The following DTD1 variants were observed in gnomAD, a reference collection of about 807,000 sequenced individuals.
DTD1 encodes D-aminoacyl-tRNA deacylase 1, also known as D-tyrosyl-tRNA deacylase 1 homolog.
DTD1 carries 13 observed loss-of-function variants against 25.6 expected under a neutral mutation model. The ratio of observed to expected loss-of-function variants is 0.51; its 90% CI spans 0.33 to 0.81. The LOEUF is 0.81. DTD1 is among the 30% of genes least tolerant of loss of function. DTD1 has a pLI of 0.02. For missense variants in DTD1, 193 were observed against 266.4 expected (o/e 0.72, Z 1.92); for synonymous variants, 110 against 103.6 (o/e 1.06, Z -0.37).
rs117215840 is a variant in DTD1, at chr20:18,676,965, T to C, written c.477+48732T>C. Among the ~76,000 whole-genome samples the C allele has an allele frequency of 8.4e-3, 1,284 of 152,322 alleles. 7 individuals are homozygous for C. The highest frequency in any genetic ancestry group is 0.024 in the South Asian group (116 of 4,826). On this transcript the variant is annotated intron_variant, in intron 4 of 5. Transcript: ENST00000377452. The stretch of plus-strand genomic sequence containing the variant: ...TCCTAGCTCCTACTTGCCGTGCGTT[T>C]CTCTTGTTTTTATTCTTACTGCCTC...
chr20:18,655,030 G>A (rs1440926939), intron 4 of DTD1, among the ~76,000 whole-genome samples: 1 of 152,150 alleles, frequency 6.6e-6, no homozygotes, highest in Non-Finnish European at 1.5e-5. Flanking sequence ...TTAATCTGTA[G>A]TTTGGAATAA....
At chr20:18,737,797 C>T (rs1020670804) in intron 4 of DTD1, among the ~76,000 whole-genome samples, 10 of 152,218 alleles carry the variant, frequency 6.6e-5, no homozygotes, top group Non-Finnish European at 5.9e-5. Flanking sequence ...AAAGGATGGA[C>T]GAATTGAGTC....
chr20:18,645,167 G>A (rs549120012), intron 4 of DTD1, among the ~76,000 whole-genome samples: 12 of 152,178 alleles, frequency 7.9e-5, no homozygotes, highest in South Asian at 4.1e-4. Context: ...ACCGATCAAT[G>A]AATCAATCAA....
intron 4 of DTD1, among the ~76,000 whole-genome samples, chr20:18,728,209 G>A (rs2061229097): frequency 6.6e-6 from 1 of 152,202 alleles, no homozygotes; most frequent in Admixed American, 6.5e-5. Context: ...AGAGGGCCCT[G>A]CCTGGGCAAT....
chr20:18,694,973 C>T lies in DTD1; in HGVS notation c.478-49127C>T, dbSNP rs115142570. 3.6e-3 allele frequency among the ~76,000 whole-genome samples: 545 copies of T among 152,242 alleles called. 2 individuals are homozygous for T. Among genetic ancestry groups the T allele is most frequent in the African/African-American group, 0.011 (447 of 41,534 alleles). On this transcript the variant is annotated intron_variant, in intron 4 of 5. Transcript: ENST00000377452. ...AGAGCCACCATGATCAAGTTAAAAA[C>T]GCCCGACGTATAGTATATGTGCCAA...
chr20:18,755,275 TA>T (rs1265748415), intron 5 of DTD1, among the ~76,000 whole-genome samples: 3 of 152,154 alleles, frequency 2.0e-5, no homozygotes, highest in East Asian at 1.9e-4. Context: ...TGATTATTAT[TA>T]TTTTTTTATT....
intron 3 of DTD1, among the ~76,000 whole-genome samples, chr20:18,608,880 C>T (rs1221049068): frequency 6.6e-6 from 1 of 152,120 alleles, no homozygotes; most frequent in Non-Finnish European, 1.5e-5. Context: ...GGGCGTCATT[C>T]ATTTCTAGTT....
At chr20:18,619,949 A>C (rs1199728299) in intron 3 of DTD1, 2 of 151,846 alleles carry the variant, frequency 1.3e-5, no homozygotes, top group Admixed American at 6.6e-5. Flanking sequence ...TGAACTTTTA[A>C]ATTTTATTTA....
At chr20:18,671,402 A>G (rs751382072) in intron 4 of DTD1, among the ~76,000 whole-genome samples, 20 of 152,138 alleles carry the variant, frequency 1.3e-4, no homozygotes, top group Non-Finnish European at 2.6e-4. Context: ...TTATTTCTCA[A>G]GGCCTTTATC....
intron 1 of DTD1, chr20:18,588,923 C>G (rs181467590): frequency 1.1e-6 from 1 of 947,646 alleles, no homozygotes. Context: ...AAATGACAAG[C>G]TTTATATTGT....
chr20:18,758,748 T>C (rs2061349132), intron 5 of DTD1, among the ~76,000 whole-genome samples: 1 of 152,220 alleles, frequency 6.6e-6, no homozygotes, highest in African/African-American at 2.4e-5. Context: ...TATATCCTGT[T>C]GATTTGGGGT....
intron 4 of DTD1, among the ~76,000 whole-genome samples, chr20:18,670,586 G>T (rs910151267): frequency 6.6e-6 from 1 of 152,242 alleles, no homozygotes; most frequent in Non-Finnish European, 1.5e-5. Flanking sequence ...TCCCATTGCA[G>T]TGCACAGAGT....
rs1308842093 is a variant in DTD1, at chr20:18,758,731, A to C, written c.*20-4629A>C. On this transcript the variant is annotated intron_variant, in intron 5 of 5. Transcript: ENST00000377452. ...GGAATAGGTGTGGTGTGGTGCTGAA[A>C]AGAACGTATATCCTGTTGATTTGGG... Among the ~76,000 whole-genome samples, 3 of 152,204 alleles carry C rather than the reference A, an allele frequency of 2.0e-5. No homozygotes were observed. In the East Asian group the frequency reaches 5.8e-4, roughly 29 times the overall value.
At chr20:18,703,797 G>A (rs1600380287) in intron 4 of DTD1, among the ~76,000 whole-genome samples, 1 of 151,590 alleles carries the variant, frequency 6.6e-6, no homozygotes, top group South Asian at 2.1e-4. Context: ...GTTCTCTGAA[G>A]ATACATACTA....
At chr20:18,717,515 C>T (rs2061185901) in intron 4 of DTD1, among the ~76,000 whole-genome samples, 1 of 152,130 alleles carries the variant, frequency 6.6e-6, no homozygotes, top group African/African-American at 2.4e-5. Flanking sequence ...ATAGTAAATT[C>T]GTGACATACC....
intron 4 of DTD1, among the ~76,000 whole-genome samples, chr20:18,640,782 C>T (rs1294768741): frequency 6.6e-6 from 1 of 152,046 alleles, no homozygotes; most frequent in East Asian, 1.9e-4. Flanking sequence ...AGGCATGCGT[C>T]ACCGTGCCTG....
Position 18,624,076 on chromosome 20 carries a change from C to G in DTD1, c.371-4051C>G, listed in dbSNP as rs150943716. ...GCCTCACCAACTCAGACCAGTCTAC[C>G]TTGGAGCCTATGTTAGGCTGCTCCT... On this transcript the variant is annotated intron_variant, in intron 3 of 5. Transcript: ENST00000377452. Among the ~76,000 whole-genome samples, 368 of 152,226 alleles carry G rather than the reference C, an allele frequency of 2.4e-3. 6 individuals carry two copies. The highest frequency in any genetic ancestry group is 0.02 in the Admixed American group (301 of 15,294).
intron 4 of DTD1, among the ~76,000 whole-genome samples, chr20:18,740,149 T>C (rs1350313286): frequency 2.0e-5 from 3 of 152,110 alleles, no homozygotes; most frequent in Non-Finnish European, 4.4e-5. Context: ...GCTGTGCTAA[T>C]TGGGGTTACT....
intron 5 of DTD1, among the ~76,000 whole-genome samples, chr20:18,748,725 C>T (rs2061310163): frequency 1.3e-5 from 2 of 152,212 alleles, no homozygotes; most frequent in African/African-American, 4.8e-5. Context: ...GAGGGGAATT[C>T]TCATGGACTC....
Sources: gnomAD v4.1 joint callset for allele counts (sites outside exome capture counted in the v4.1 genomes callset) on GRCh38, gnomAD v4.1.1 for gene constraint, MANE v1.5 for transcripts, NCBI Gene and HGNC (gene_info 2026-07-23, HGNC 2026-07-21) for gene names.